Variants in MCTP2 observed in about 807,000 individuals in gnomAD.
MCTP2 encodes the protein multiple C2 and transmembrane domain-containing protein 2.
In MCTP2, 132 loss-of-function variants were observed where a neutral mutation model predicts 111.6. That is an observed-to-expected ratio of 1.18 (90% CI 1.03 to 1.37). MCTP2 has a LOEUF of 1.37. MCTP2 is among the 40% of genes most tolerant of loss of function. The pLI is 0.00. For synonymous variants in MCTP2, 395 were observed against 387.7 expected (o/e 1.02, Z -0.22); for missense variants, 1,183 against 1,067.9 (o/e 1.11, Z -1.50).
chr15:94,438,897 A>T (rs1248592986), intron 17 of MCTP2, among the ~76,000 whole-genome samples: 2 of 152,150 alleles, frequency 1.3e-5, no homozygotes, highest in Non-Finnish European at 2.9e-5. Flanking sequence ...ATCCTTCTGA[A>T]CAGTTTAACA....
intron 15 of MCTP2, chr15:94,399,652 A>G (rs1216189486): frequency 4.5e-5 from 14 of 309,682 alleles, no homozygotes; most frequent in South Asian, 1.2e-4. Flanking sequence ...ATGAACCTCA[A>G]TCTCTGCAGT....
At chr15:94,446,129 T>G (rs1400733137) in intron 19 of MCTP2, among the ~76,000 whole-genome samples, 1 of 152,256 alleles carries the variant, frequency 6.6e-6, no homozygotes, top group Non-Finnish European at 1.5e-5. Flanking sequence ...TAACTTGTAT[T>G]AGAAACCAGA....
chr15:94,474,518 G>A (rs936171651), intron 21 of MCTP2, among the ~76,000 whole-genome samples: 2 of 152,304 alleles, frequency 1.3e-5, no homozygotes, highest in African/African-American at 4.8e-5. Flanking sequence ...CAGAACGGGG[G>A]CCCAGGTATT....
intron 1 of MCTP2, among the ~76,000 whole-genome samples, chr15:94,260,674 C>G (rs1359473401): frequency 6.6e-6 from 1 of 152,120 alleles, no homozygotes; most frequent in Admixed American, 6.5e-5. Flanking sequence ...AGAGTACACT[C>G]TCAGATATCC....
intron 19 of MCTP2, among the ~76,000 whole-genome samples, chr15:94,448,160 T>C (rs2084231336): frequency 1.3e-5 from 2 of 152,220 alleles, no homozygotes; most frequent in South Asian, 4.1e-4. Context: ...TTTTTAAAAA[T>C]CAAACTCTCA....
intron 10 of MCTP2, among the ~76,000 whole-genome samples, chr15:94,362,130 T>G (rs2078975496): frequency 6.6e-6 from 1 of 152,162 alleles, no homozygotes; most frequent in Non-Finnish European, 1.5e-5. Context: ...CCGACTCCAG[T>G]GTTTGTTCAT....
At chr15:94,437,210 A>G (rs1291086363) in intron 17 of MCTP2, among the ~76,000 whole-genome samples, 1 of 151,142 alleles carries the variant, frequency 6.6e-6, no homozygotes, top group Non-Finnish European at 1.5e-5. Context: ...CGTAACATAT[A>G]GAATGGAAGA....
chr15:94,339,231 A>T, intron 4 of MCTP2, 59 bp from the exon 5 acceptor site: 1 of 1,311,968 alleles, frequency 7.6e-7, no homozygotes, highest in Non-Finnish European at 1.0e-6. Flanking sequence ...TATTTAATGA[A>T]AGTCCCAGGC....
intron 1 of MCTP2, among the ~76,000 whole-genome samples, chr15:94,245,513 T>C (rs2071870396): frequency 7.0e-6 from 1 of 142,230 alleles, no homozygotes; most frequent in South Asian, 2.1e-4. Flanking sequence ...TATGTATACA[T>C]ATATGTATAT....
At position 94,481,526 on chromosome 15, in the gene MCTP2, C is replaced by A. The variant is rs1358081576; in HGVS notation, c.*2492C>A. The A allele has an allele frequency of 6.6e-6, 1 of 152,346 alleles. No individual in the cohort carries two copies. The highest frequency in any genetic ancestry group is 2.1e-4 in the South Asian group (1 of 4,834). The allele number at this position is 152,346 out of a possible 1,614,324, so 9.4% of individuals were successfully genotyped here. A position where few individuals can be genotyped will look rare whatever the true frequency, so the allele number is the denominator to read the frequency against. On this transcript the variant is annotated 3_prime_UTR_variant, in exon 23 of 23. Transcript: ENST00000357742. ...GACGTCACGGCCATGATGCCAGTTA[C>A]ATTATGCCTAGTTAATCTTCATTCA...
chr15:94,253,330 C>T (rs1191977327), intron 1 of MCTP2, among the ~76,000 whole-genome samples: 1 of 152,164 alleles, frequency 6.6e-6, no homozygotes, highest in Non-Finnish European at 1.5e-5. Flanking sequence ...GTAAATGGCT[C>T]TTGCTCCTCT....
At position 94,385,596 on chromosome 15, in the gene MCTP2, G is replaced by T. The variant is rs1049593477; in HGVS notation, c.1788+71G>T. 2.8e-6 allele frequency: 3 copies of T among 1,083,658 alleles called. No individual in the cohort carries two copies. The African/African-American group carries it at 4.7e-5, about 17-fold the overall frequency. The allele number at this position is 1,083,658 out of a possible 1,614,324, so 67.1% of individuals were successfully genotyped here. A position where few individuals can be genotyped will look rare whatever the true frequency, so the allele number is the denominator to read the frequency against. On this transcript the variant is annotated intron_variant, in intron 14 of 22. Coordinates refer to ENST00000357742, the MANE Select transcript of MCTP2 (RefSeq NM_001385001.1). Reference sequence around the variant, plus strand: ...TGATGAGTTTCTATGGTCTAGAGTTGCTTTATCTTTGTCAACCTGGGGGAA... The same window carrying T: ...TGATGAGTTTCTATGGTCTAGAGTTTCTTTATCTTTGTCAACCTGGGGGAA...
intron 1 of MCTP2, among the ~76,000 whole-genome samples, chr15:94,260,337 T>A: frequency 6.6e-6 from 1 of 152,166 alleles, no homozygotes; most frequent in South Asian, 2.1e-4. Context: ...CACTCAACTT[T>A]CTTGTTCAGC....
chr15:94,403,069 T>A (rs1165220547), intron 17 of MCTP2: 12 of 987,076 alleles, frequency 1.2e-5, no homozygotes, highest in Admixed American at 1.2e-4. Flanking sequence ...ATCAAGTATA[T>A]CAGCTCCAAA....
At chr15:94,368,213 T>C (rs903967775) in intron 11 of MCTP2, among the ~76,000 whole-genome samples, 2 of 152,200 alleles carry the variant, frequency 1.3e-5, no homozygotes, top group Non-Finnish European at 2.9e-5. Flanking sequence ...GAGAACCTGC[T>C]CATGCCTTGT....
intron 17 of MCTP2, among the ~76,000 whole-genome samples, chr15:94,405,953 A>T (rs938009092): frequency 2.0e-5 from 3 of 152,210 alleles, no homozygotes; most frequent in Non-Finnish European, 4.4e-5. Flanking sequence ...TTAATATGAG[A>T]TGTTGACTTA....
chr15:94,367,801 T>A lies in MCTP2; in HGVS notation c.1488+10T>A. The A allele has an allele frequency of 1.3e-6, 2 of 1,595,864 alleles. No individual in the cohort carries two copies. Among genetic ancestry groups the A allele is most frequent in the South Asian group, 1.1e-5 (1 of 88,242 alleles). ...GATTACCCAGCGATATGTGAGTGTTTTTCCTTATTGTACACTCCCCCTCCT... is the reference window on the plus strand; with the variant it reads ...GATTACCCAGCGATATGTGAGTGTTATTCCTTATTGTACACTCCCCCTCCT... On this transcript the variant is annotated intron_variant, in intron 11 of 22. Coordinates refer to ENST00000357742, the MANE Select transcript of MCTP2 (RefSeq NM_001385001.1).
At chr15:94,256,992 A>G (rs1011320153) in intron 1 of MCTP2, among the ~76,000 whole-genome samples, 1 of 151,978 alleles carries the variant, frequency 6.6e-6, no homozygotes, top group Non-Finnish European at 1.5e-5. Flanking sequence ...TGACTTCCCA[A>G]TTCACTTAAA....
intron 12 of MCTP2, among the ~76,000 whole-genome samples, chr15:94,372,331 C>T (rs143374213): frequency 5.3e-4 from 80 of 152,340 alleles, no homozygotes; most frequent in African/African-American, 1.8e-3. Context: ...CTAAGTCTCA[C>T]AGTCTATGTT....
Sources: allele counts gnomAD v4.1 joint callset (sites outside exome capture counted in the v4.1 genomes callset), GRCh38; gene constraint gnomAD v4.1.1; transcripts MANE v1.5; gene names NCBI Gene and HGNC (gene_info 2026-07-23, HGNC 2026-07-21).